The following IQGAP2 variants were observed in gnomAD, a reference collection of about 807,000 sequenced individuals.
IQGAP2 encodes the protein IQ motif containing GTPase activating protein 2.
A neutral mutation model predicts 201.3 loss-of-function variants in IQGAP2; 173 were observed. The ratio of observed to expected loss-of-function variants is 0.86; its 90% CI spans 0.76 to 0.98. The LOEUF (loss-of-function observed/expected upper bound fraction) is 0.98, where lower values mean the gene tolerates loss of function less well. Ranked by LOEUF, IQGAP2 falls within the 50% of genes least tolerant of loss-of-function variation. The pLI, the probability that IQGAP2 is intolerant of heterozygous loss-of-function variation, is 0.00. For synonymous variants in IQGAP2, 675 were observed against 673.9 expected, an observed-to-expected ratio of 1.00 and a Z score of -0.03; for missense variants, 1,687 against 1,864.8, an observed-to-expected ratio of 0.90 and a Z score of 1.76.
chr5:76,549,294 G>C, intron 2 of IQGAP2, among the ~76,000 whole-genome samples: 1 of 150,798 alleles, frequency 6.6e-6, no homozygotes, highest in South Asian at 2.1e-4. Context: ...CAGAGCTTTG[G>C]TTCAGTCTCA....
At chr5:76,466,214 A>G (rs957309351) in intron 2 of IQGAP2, among the ~76,000 whole-genome samples, 5 of 152,104 alleles carry the variant, frequency 3.3e-5, no homozygotes, top group East Asian at 1.9e-4. Context: ...GGTGGCATGC[A>G]CCAGTAGACC....
chr5:76,630,931 C>T (rs1376141140), intron 14 of IQGAP2, among the ~76,000 whole-genome samples: 1 of 152,134 alleles, frequency 6.6e-6, no homozygotes, highest in Non-Finnish European at 1.5e-5. Context: ...CTCTGTTTTT[C>T]TTTCTCCTTT....
intron 3 of IQGAP2, 101 bp from the exon 4 acceptor site, chr5:76,570,479 A>G (rs1217705441): frequency 2.5e-6 from 2 of 785,150 alleles, no homozygotes; most frequent in Non-Finnish European, 4.5e-6. Flanking sequence ...TCCAGGAGAA[A>G]TACAATTGAA....
chr5:76,690,682 AAT>A (rs1261072339), intron 30 of IQGAP2, among the ~76,000 whole-genome samples: 2 of 152,238 alleles, frequency 1.3e-5, no homozygotes, highest in African/African-American at 4.8e-5. Flanking sequence ...TAATTCTAAT[AAT>A]ATATTTTATT....
chr5:76,556,109 G>A (rs550993355), intron 2 of IQGAP2, among the ~76,000 whole-genome samples: 3 of 152,292 alleles, frequency 2.0e-5, no homozygotes, highest in Admixed American at 1.3e-4. Context: ...CTCTGTAAAG[G>A]AGGGGGTCTC....
intron 2 of IQGAP2, among the ~76,000 whole-genome samples, chr5:76,551,263 C>CG (rs759670210): frequency 1.5e-4 from 22 of 150,422 alleles, no homozygotes; most frequent in Non-Finnish European, 2.2e-4. Context: ...GACGGGGCGG[C>CG]GGGGCAGAGG....
At chr5:76,678,425 TAAAAA>T (rs112438447) in intron 28 of IQGAP2, among the ~76,000 whole-genome samples, 1 of 143,756 alleles carries the variant, frequency 7.0e-6, no homozygotes, top group Non-Finnish European at 1.5e-5. Context: ...ACATTAAAAT[TAAAAA>T]AAAAAAAGCT....
intron 11 of IQGAP2, among the ~76,000 whole-genome samples, chr5:76,605,412 C>A (rs1035796244): frequency 2.6e-5 from 4 of 152,102 alleles, no homozygotes; most frequent in African/African-American, 9.7e-5. Flanking sequence ...CCAAGCTGGT[C>A]TTTAACTCCT....
At chr5:76,547,720 C>T (rs1229313500) in intron 2 of IQGAP2, among the ~76,000 whole-genome samples, 4 of 152,198 alleles carry the variant, frequency 2.6e-5, no homozygotes, top group African/African-American at 2.4e-5. Context: ...TACCTCTGCA[C>T]CCCAGCTCAT....
At chr5:76,601,405 C>A (rs751772011) in intron 11 of IQGAP2, among the ~76,000 whole-genome samples, 5 of 152,214 alleles carry the variant, frequency 3.3e-5, no homozygotes, top group Non-Finnish European at 5.9e-5. Flanking sequence ...CCCCAAACTC[C>A]ACTCTTCTGA....
At chr5:76,691,574 A>G (rs1746268218) in intron 30 of IQGAP2, 1 of 152,272 alleles carries the variant, frequency 6.6e-6, no homozygotes, top group Admixed American at 6.5e-5. Flanking sequence ...TTTAGGAAAC[A>G]TGCCATCCCC....
chr5:76,597,365 G>A (rs1210541261), intron 9 of IQGAP2, 74 bp from the exon 10 acceptor site: 1 of 1,482,302 alleles, frequency 6.7e-7, no homozygotes, highest in Non-Finnish European at 9.3e-7. Flanking sequence ...AAATCCTTGG[G>A]AAGAAGGGCT....
At chr5:76,426,877 C>T (rs1265923498) in intron 1 of IQGAP2, among the ~76,000 whole-genome samples, 1 of 148,762 alleles carries the variant, frequency 6.7e-6, no homozygotes, top group Non-Finnish European at 1.5e-5. Flanking sequence ...AGGCTCTTCT[C>T]TGAGCCAAGC....
chr5:76,648,699 A>G (rs1752278344), intron 17 of IQGAP2, among the ~76,000 whole-genome samples: 1 of 152,248 alleles, frequency 6.6e-6, no homozygotes, highest in Admixed American at 6.5e-5. Flanking sequence ...AGCCTCAGCA[A>G]AGAATTAAAA....
At position 76,589,311 on chromosome 5, in the gene IQGAP2, C is replaced by CA. The variant is rs35291690; in HGVS notation, c.527-283dup. 3.2e-3 allele frequency among the ~76,000 whole-genome samples: 340 copies of CA among 106,762 alleles called. 2 individuals carry two copies. Among genetic ancestry groups the CA allele is most frequent in the African/African-American group, 7.8e-3 (221 of 28,404 alleles). The allele number at this position is 106,762 out of a possible 152,430, so 70.0% of individuals were successfully genotyped here. Reference sequence around the variant, plus strand: ...TGGACGACAGAGCGAGACTCTGCCTCAAAAAAAAAAAAAAAAAAAAATTAC... The same window carrying CA: ...TGGACGACAGAGCGAGACTCTGCCTCAAAAAAAAAAAAAAAAAAAAAATTAC... On this transcript the variant is annotated intron_variant, in intron 6 of 35. Coordinates refer to ENST00000274364, the MANE Select transcript of IQGAP2 (RefSeq NM_006633.5).
In IQGAP2 at chr5:76,677,203, T is replaced by C. The variant is rs1343907190; in HGVS notation, c.3528-15T>C. On this transcript the variant is annotated splice_polypyrimidine_tract_variant and intron_variant, in intron 27 of 35. Coordinates refer to ENST00000274364, the MANE Select transcript of IQGAP2 (RefSeq NM_006633.5). ...ATGTTTGAGTCTGTCTTAAGACTTT[T>C]CCCCCCTTTATTAGGAAATATTTCA... The C allele has an allele frequency of 1.4e-5, 23 of 1,610,706 alleles. No individual in the cohort carries two copies. Among genetic ancestry groups the C allele is most frequent in the African/African-American group, 1.3e-5 (1 of 74,786 alleles).
intron 2 of IQGAP2, among the ~76,000 whole-genome samples, chr5:76,484,283 CCTT>C (rs1411215828): frequency 6.6e-6 from 1 of 152,128 alleles, no homozygotes; most frequent in Non-Finnish European, 1.5e-5. Flanking sequence ...GGTGTCAACA[CCTT>C]CTCAGGGTTA....
chr5:76,494,963 G>C (rs148123164), intron 2 of IQGAP2, among the ~76,000 whole-genome samples: 60 of 152,152 alleles, frequency 3.9e-4, no homozygotes, highest in African/African-American at 1.4e-3. Context: ...AGACTGTGAG[G>C]GTGTTTTCTT....
chr5:76,485,154 A>G (rs1756037653), intron 2 of IQGAP2, among the ~76,000 whole-genome samples: 1 of 152,082 alleles, frequency 6.6e-6, no homozygotes. Context: ...TGCTTTCCCT[A>G]TAACACCTCG....
Sources: allele counts gnomAD v4.1 joint callset (sites outside exome capture counted in the v4.1 genomes callset), GRCh38; gene constraint gnomAD v4.1.1; transcripts MANE v1.5; gene names NCBI Gene and HGNC (gene_info 2026-07-23, HGNC 2026-07-21).